KRT15: variants seen among roughly 807,000 people sequenced by gnomAD.
KRT15 encodes the protein keratin 15, also known as keratin, type I cytoskeletal 15.
In KRT15, 45 loss-of-function variants were observed where a neutral mutation model predicts 46.6. That is an observed-to-expected ratio of 0.97 (90% CI 0.76 to 1.24). The LOEUF (loss-of-function observed/expected upper bound fraction) is 1.24, where lower values mean the gene tolerates loss of function less well. Ranked by LOEUF, KRT15 falls within the 50% of genes most tolerant of loss-of-function variation. KRT15 has a pLI of 0.00. For missense variants in KRT15, 592 were observed against 588.9 expected (o/e 1.01, Z -0.05); for synonymous variants, 221 against 233.8 (o/e 0.95, Z 0.50).
rs965743156 is a variant in KRT15, at chr17:41,515,900, C to T, written c.1011G>A (p.Gln337=). 1 of 1,613,958 alleles carries T rather than the reference C, an allele frequency of 6.2e-7. No individual in the cohort carries two copies. Among genetic ancestry groups the T allele is most frequent in the Non-Finnish European group, 8.5e-7 (1 of 1,179,964 alleles). ...RTMQELEIEL[Q]SQLSMKAGLE... ...GTGGCCGTACCATGCTGAGCTGGGACTGCAGCTCGATCTCCAGCTCCTGCA... is the reference window on the plus strand; with the variant it reads ...GTGGCCGTACCATGCTGAGCTGGGATTGCAGCTCGATCTCCAGCTCCTGCA... The change falls in exon 5 of 8, where the codon CAG becomes CAA. Residue 337 remains glutamine (Q), a synonymous_variant. Coordinates refer to ENST00000254043, the MANE Select transcript of KRT15 (RefSeq NM_002275.4).
In KRT15 at chr17:41,514,060, T is replaced by A. The variant is rs1466484502; in HGVS notation, c.1334A>T (p.Asp445Val). 1.2e-6 allele frequency: 2 copies of A among 1,614,102 alleles called. No homozygotes were observed. The highest frequency in any genetic ancestry group is 2.2e-5 in the South Asian group (2 of 91,084). ...NFHINVEESV[D>V]GQVVSSHKRE... ...CTTGTGGGAAGAAACCACCTGTCCATCCACTGACTCTTCTACATTGATGTG... is the reference window on the plus strand; with the variant it reads ...CTTGTGGGAAGAAACCACCTGTCCAACCACTGACTCTTCTACATTGATGTG... The change falls in exon 8 of 8, where the codon GAT (aspartate) becomes GTT (valine). Residue 445 changes from aspartate to valine, a missense_variant. Asp to Val is a radical substitution (Grantham distance 152). Coordinates refer to ENST00000254043, the MANE Select transcript of KRT15 (RefSeq NM_002275.4).
intron 1 of KRT15, 125 bp from the exon 2 acceptor site, chr17:41,517,290 C>A (rs1320139275): frequency 2.6e-6 from 2 of 771,186 alleles, no homozygotes; most frequent in Non-Finnish European, 2.1e-6. Flanking sequence ...CTGACACCAC[C>A]AACAAAAATC....
In KRT15 at chr17:41,516,018, T is replaced by A. The variant is rs1224787292; in HGVS notation, c.901-8A>T. The stretch of plus-strand genomic sequence containing the variant: ...TTTGTTCAGCTCCTCAGTCTGTAGG[T>A]CATGCACAACAGAAGTGAGCCCCGG... On this transcript the variant is annotated splice_region_variant and splice_polypyrimidine_tract_variant and intron_variant, in intron 4 of 7. Coordinates refer to ENST00000254043, the MANE Select transcript of KRT15 (RefSeq NM_002275.4). 3 of 1,614,052 alleles carry A rather than the reference T, an allele frequency of 1.9e-6. No homozygotes were observed. The South Asian group carries it at 3.3e-5, about 18-fold the overall frequency.
chr17:41,513,928 G>T lies in KRT15; in HGVS notation c.*95C>A. 1 of 897,252 alleles carries T rather than the reference G, an allele frequency of 1.1e-6. No homozygotes were observed. The highest frequency in any genetic ancestry group is 1.9e-6 in the Non-Finnish European group (1 of 528,582). The allele number at this position is 897,252 out of a possible 1,614,324, so 55.6% of individuals were successfully genotyped here. A position where few individuals can be genotyped will look rare whatever the true frequency, so the allele number is the denominator to read the frequency against. On this transcript the variant is annotated 3_prime_UTR_variant, in exon 8 of 8. Coordinates refer to ENST00000254043, the MANE Select transcript of KRT15 (RefSeq NM_002275.4). Reference sequence around the variant, plus strand: ...CCCTTTTCAGCTCTCTGAAGGCAGGGACTGGAGTTTGCATGTGCAGGCCCT... The same window carrying T: ...CCCTTTTCAGCTCTCTGAAGGCAGGTACTGGAGTTTGCATGTGCAGGCCCT...
At position 41,517,127 on chromosome 17, in the gene KRT15, C is replaced by T. The variant is rs747481854; in HGVS notation, c.537G>A (p.Leu179=). The change falls in exon 2 of 8, where the codon CTG becomes CTA. Residue 179 remains leucine, a synonymous_variant. Coordinates refer to ENST00000254043, the MANE Select transcript of KRT15 (RefSeq NM_002275.4). The stretch of plus-strand genomic sequence containing the variant: ...CAGCCAGCCTGGCATTGTCGATCTC[C>T]AGGATGACCCGGGAGTTGTCGATGG... ...ATTIDNSRVI[L]EIDNARLAAD... 6.2e-7 allele frequency: 1 copy of T among 1,614,184 alleles called. No homozygotes were observed. The highest frequency in any genetic ancestry group is 2.2e-5 in the East Asian group (1 of 44,882).
Position 41,516,258 on chromosome 17 carries a change from T to A in KRT15, c.746A>T (p.Lys249Met). ...GCCGGCCAGCTGGCTGCTGAACTCC[T>A]TCATCTCCTGCAGGATGGGAGGGAC... ...YLKKNHEEEMKEFSSQLAGQV... is the reference protein window; with the variant it reads ...YLKKNHEEEMMEFSSQLAGQV... The change falls in exon 4 of 8, where the codon AAG becomes ATG. Residue 249 changes from lysine (K) to methionine (M), a missense_variant. Physicochemically the swap from Lys to Met is moderately conservative, Grantham distance 95. Coordinates refer to ENST00000254043, the MANE Select transcript of KRT15 (RefSeq NM_002275.4). The A allele has an allele frequency of 6.2e-7, 1 of 1,612,988 alleles. No individual in the cohort carries two copies. The highest frequency in any genetic ancestry group is 8.5e-7 in the Non-Finnish European group (1 of 1,179,496).
chr17:41,516,462 C>A (rs566724946), intron 3 of KRT15, among the ~76,000 whole-genome samples, 197 bp from the exon 4 acceptor site: 2 of 152,270 alleles, frequency 1.3e-5, no homozygotes, highest in Admixed American at 1.3e-4. Flanking sequence ...CAAGGGAGGA[C>A]CCCGAGACTG....
chr17:41,513,909 T>C lies in KRT15; in HGVS notation c.*114A>G, dbSNP rs1905243955. 2.5e-6 allele frequency: 2 copies of C among 807,984 alleles called. No individual in the cohort carries two copies. The highest frequency in any genetic ancestry group is 4.9e-5 in the East Asian group (2 of 40,900). The allele number at this position is 807,984 out of a possible 1,614,324, so 50.1% of individuals were successfully genotyped here. A position where few individuals can be genotyped will look rare whatever the true frequency, so the allele number is the denominator to read the frequency against. On this transcript the variant is annotated 3_prime_UTR_variant, in exon 8 of 8. Coordinates refer to ENST00000254043, the MANE Select transcript of KRT15 (RefSeq NM_002275.4). ...GAAATAAAAGACCGAGGGACCCTTT[T>C]CAGCTCTCTGAAGGCAGGGACTGGA...
intron 6 of KRT15, chr17:41,514,948 C>T (rs1279080003): frequency 5.6e-6 from 2 of 356,382 alleles, no homozygotes; most frequent in Non-Finnish European, 1.0e-5. Context: ...CCCACTGAAA[C>T]CTCCGCCTCC....
intron 5 of KRT15, 33 bp downstream of exon 5, chr17:41,515,852 C>G (rs758225696): frequency 1.2e-6 from 2 of 1,613,758 alleles, no homozygotes; most frequent in East Asian, 4.5e-5. Flanking sequence ...TTCTACCACC[C>G]GAGAGGCTGG....
At chr17:41,518,070 G>GC (rs1372940245) in intron 1 of KRT15, among the ~76,000 whole-genome samples, 3 of 151,894 alleles carry the variant, frequency 2.0e-5, no homozygotes, top group South Asian at 2.1e-4. Flanking sequence ...CTTTATAATT[G>GC]CCCCCACCTG....
intron 4 of KRT15, 31 bp downstream of exon 4, chr17:41,516,073 C>A (rs1428276060): frequency 1.9e-6 from 3 of 1,613,984 alleles, no homozygotes; most frequent in Middle Eastern, 3.3e-4. Context: ...GGACCTGGGG[C>A]AGGAAGGGCA....
chr17:41,517,304 A>G (rs1567719212), intron 1 of KRT15, 139 bp from the exon 2 acceptor site: 1 of 714,612 alleles, frequency 1.4e-6, no homozygotes, highest in East Asian at 2.7e-5. Flanking sequence ...AAAAATCTGT[A>G]CGGCTTCTGG....
chr17:41,516,188 G>A lies in KRT15; in HGVS notation c.816C>T (p.Thr272=), dbSNP rs755426581. Residue 272 remains threonine (T), a synonymous_variant, in exon 4 of 8, where the codon ACC becomes ACT. Transcript: ENST00000254043. ...GCTCCCTCATCTCTGCCAGCACACG[G>A]GTCAGGTCCACACCCGGTGCTGCGT... ...EMDAAPGVDL[T]RVLAEMREQY... is the part of the protein sequence containing the mutation. 1.1e-5 allele frequency: 17 copies of A among 1,614,174 alleles called. No homozygotes were observed. In the East Asian group the frequency reaches 1.1e-4, roughly 11 times the overall value.
Position 41,518,596 on chromosome 17 carries a change from C to T in KRT15, c.232G>A (p.Gly78Ser), listed in dbSNP as rs555279126. Residue 78 changes from glycine (G) to serine (S), a missense_variant, in exon 1 of 8, where the codon GGT becomes AGT. Coordinates refer to ENST00000254043, the MANE Select transcript of KRT15 (RefSeq NM_002275.4). ...CCAACGCCCCCTCCAAAGCCTCCAC[C>T]GAAAACACTACCAGCCCCTCCACCA... ...GFGGGAGSVF[G>S]GGFGGGVGGG... 1.1e-5 allele frequency: 17 copies of T among 1,613,650 alleles called. No individual in the cohort carries two copies. The highest frequency in any genetic ancestry group is 5.3e-5 in the African/African-American group (4 of 74,864).
Position 41,518,683 on chromosome 17 carries a change from CAGA to C in KRT15, c.142_144del (p.Ser48del), listed in dbSNP as rs1208911259. ...CCTGACCCTGAAGAGACAAACCTAG[CAGA>C]AGAAGCTGAGATACTTCGGCTTCCA... On this transcript the variant is annotated inframe_deletion, in exon 1 of 8. Coordinates refer to ENST00000254043, the MANE Select transcript of KRT15 (RefSeq NM_002275.4). The C allele has an allele frequency of 7.4e-6, 12 of 1,613,400 alleles. No homozygotes were observed. The highest frequency in any genetic ancestry group is 9.3e-6 in the Non-Finnish European group (11 of 1,179,740).
At position 41,517,077 on chromosome 17, in the gene KRT15, G is replaced by C. The variant is rs760253388; in HGVS notation, c.581+6C>G. ...GCAGGAAGAGGAGAGAGACGGGGGA[G>C]CGCACTTGAGCCTGAAGTCGTCCGC... On this transcript the variant is annotated splice_donor_region_variant and intron_variant, in intron 2 of 7. Coordinates refer to ENST00000254043, the MANE Select transcript of KRT15 (RefSeq NM_002275.4). The C allele has an allele frequency of 6.2e-7, 1 of 1,614,186 alleles. No individual in the cohort carries two copies. Among genetic ancestry groups the C allele is most frequent in the East Asian group, 2.2e-5 (1 of 44,876 alleles).
In KRT15 at chr17:41,516,135, C is replaced by A. The variant is rs202191389; in HGVS notation, c.869G>T (p.Arg290Leu). Residue 290 changes from arginine to leucine, a missense_variant, in exon 4 of 8, where the codon CGC becomes CTC. Transcript: ENST00000254043. ...GAAGAACCAGGCCTCGACATCCCGG[C>A]GGTTCTTCTCCGCCATGGCCTCGTA... ...EQYEAMAEKN[R>L]RDVEAWFFSK... The A allele has an allele frequency of 6.2e-7, 1 of 1,614,070 alleles. No individual in the cohort carries two copies. Among genetic ancestry groups the A allele is most frequent in the African/African-American group, 1.3e-5 (1 of 74,928 alleles).
In KRT15 at chr17:41,515,936, CA is replaced by C. The variant is rs1486990063; in HGVS notation, c.974del (p.Leu325ArgfsTer18). 7 of 1,614,026 alleles carry C rather than the reference CA, an allele frequency of 4.3e-6. No individual in the cohort carries two copies. The Admixed American group carries it at 6.7e-5, about 15-fold the overall frequency. On this transcript the variant is annotated frameshift_variant, in exon 5 of 8. Coordinates refer to ENST00000254043, the MANE Select transcript of KRT15 (RefSeq NM_002275.4). LOFTEE classifies it high-confidence loss of function. ...IQTSKTEITDLRRTMQELEIE... is the reference protein window; with the variant it reads ...IQTSKTEITDXRRTMQELEIE... ...TCTCCAGCTCCTGCATCGTGCGTCT[CA>C]GGTCTGTGATCTCCGTCTTGCTGGT... is the stretch of plus-strand genomic sequence containing the variant.
Sources: gnomAD v4.1 joint callset for allele counts (sites outside exome capture counted in the v4.1 genomes callset) on GRCh38, gnomAD v4.1.1 for gene constraint, MANE v1.5 for transcripts, NCBI Gene and HGNC (gene_info 2026-07-23, HGNC 2026-07-21) for gene names.